The following ARHGAP26 variants were observed in gnomAD, a reference collection of about 807,000 sequenced individuals.
ARHGAP26 encodes the protein Rho GTPase activating protein 26.
In ARHGAP26, 38 loss-of-function variants were observed where a neutral mutation model predicts 104.8. That is an observed-to-expected ratio of 0.36 (90% CI 0.28 to 0.48). The LOEUF (loss-of-function observed/expected upper bound fraction) is 0.48, where lower values mean the gene tolerates loss of function less well. Among genes scored for constraint, ARHGAP26 ranks in the 20% least tolerant of loss-of-function variants. The pLI is 0.99. For synonymous variants in ARHGAP26, 341 were observed against 340.0 expected (o/e 1.00, Z -0.03); for missense variants, 704 against 947.9 (o/e 0.74, Z 3.38).
intron 3 of ARHGAP26, among the ~76,000 whole-genome samples, chr5:142,877,629 G>T (rs1385239857): frequency 6.6e-6 from 1 of 152,220 alleles, no homozygotes; most frequent in East Asian, 1.9e-4. Context: ...GGACTTGGGG[G>T]TCCTGATTCC....
At chr5:143,083,100 A>G (rs900921214) in intron 17 of ARHGAP26, among the ~76,000 whole-genome samples, 4 of 152,216 alleles carry the variant, frequency 2.6e-5, no homozygotes, top group African/African-American at 4.8e-5. Flanking sequence ...ATCTTGGGGA[A>G]GCTAGAGCTG....
chr5:143,097,202 G>T (rs1165057641), intron 17 of ARHGAP26, among the ~76,000 whole-genome samples: 2 of 151,756 alleles, frequency 1.3e-5, no homozygotes, highest in Non-Finnish European at 2.9e-5. Context: ...AGCTGGGCAT[G>T]GTGGTGCGTG....
intron 11 of ARHGAP26, among the ~76,000 whole-genome samples, chr5:142,997,555 C>G (rs931229179): frequency 6.7e-6 from 1 of 148,820 alleles, no homozygotes; most frequent in African/African-American, 2.5e-5. Flanking sequence ...ACTACAGGTG[C>G]ATGCCACCCA....
At chr5:143,049,207 C>G (rs561838062) in intron 14 of ARHGAP26, among the ~76,000 whole-genome samples, 1 of 152,118 alleles carries the variant, frequency 6.6e-6, no homozygotes, top group Non-Finnish European at 1.5e-5. Flanking sequence ...CTTTTAAACA[C>G]ACCAACATTT....
intron 1 of ARHGAP26, among the ~76,000 whole-genome samples, chr5:142,808,219 A>G (rs1165803420): frequency 1.6e-5 from 2 of 126,390 alleles, no homozygotes; most frequent in African/African-American, 3.2e-5. Flanking sequence ...TGGGCAACAG[A>G]GTGAGACATT....
intron 6 of ARHGAP26, among the ~76,000 whole-genome samples, chr5:142,896,704 G>A (rs984586092): frequency 1.3e-5 from 2 of 152,146 alleles, no homozygotes; most frequent in Non-Finnish European, 2.9e-5. Flanking sequence ...TTAAGAAGCA[G>A]TAGCATCATG....
At chr5:142,788,980 A>G (rs547575650) in intron 1 of ARHGAP26, among the ~76,000 whole-genome samples, 3 of 152,374 alleles carry the variant, frequency 2.0e-5, no homozygotes, top group African/African-American at 7.2e-5. Context: ...GCATAGAGAG[A>G]TTAAGTGTCT....
chr5:143,071,081 G>A (rs770526268), intron 17 of ARHGAP26, among the ~76,000 whole-genome samples: 1 of 152,184 alleles, frequency 6.6e-6, no homozygotes, highest in Non-Finnish European at 1.5e-5. Context: ...CAAAGCTGTA[G>A]TAACCAAAGC....
chr5:142,994,651 A>G (rs1298081508), intron 11 of ARHGAP26, among the ~76,000 whole-genome samples: 1 of 152,198 alleles, frequency 6.6e-6, no homozygotes, highest in African/African-American at 2.4e-5. Flanking sequence ...ACCTGATTAG[A>G]TATGGGAGTG....
At chr5:143,040,386 C>G (rs759244904) in intron 13 of ARHGAP26, among the ~76,000 whole-genome samples, 1 of 151,874 alleles carries the variant, frequency 6.6e-6, no homozygotes, top group East Asian at 1.9e-4. Flanking sequence ...TTGGTCCTTT[C>G]CTGAGTTTCT....
rs939910785 is a variant in ARHGAP26, at chr5:143,224,236, T to C, written c.*1790T>C. On this transcript the variant is annotated 3_prime_UTR_variant, in exon 23 of 23. Coordinates refer to ENST00000645722, the MANE Select transcript of ARHGAP26 (RefSeq NM_001135608.3). ...GGCTTTGATTGCTGAAGAAGTATGT[T>C]TAAGAGGGAGAGAGGGGAGGCAAAG... 4.3e-6 allele frequency: 1 copy of C among 231,660 alleles called. No individual in the cohort carries two copies. The highest frequency in any genetic ancestry group is 2.2e-5 in the African/African-American group (1 of 45,218). The allele number at this position is 231,660 out of a possible 1,614,324, so 14.4% of individuals were successfully genotyped here.
intron 1 of ARHGAP26, among the ~76,000 whole-genome samples, chr5:142,812,276 T>C (rs1314541779): frequency 1.3e-5 from 2 of 152,168 alleles, no homozygotes; most frequent in African/African-American, 4.8e-5. Flanking sequence ...TTTTTAGAGC[T>C]GGGGTCTCAC....
intron 11 of ARHGAP26, among the ~76,000 whole-genome samples, chr5:143,009,888 G>C (rs555049161): frequency 6.6e-6 from 1 of 152,314 alleles, no homozygotes; most frequent in East Asian, 1.9e-4. Flanking sequence ...AGGAGCCACA[G>C]ATCAGGCATT....
In ARHGAP26 at chr5:142,790,229, A is replaced by G. The variant is rs999419835; in HGVS notation, c.154+19314A>G. Among the ~76,000 whole-genome samples the G allele has an allele frequency of 3.9e-5, 6 of 152,320 alleles. No homozygotes were observed. In the East Asian group the frequency reaches 1.2e-3, roughly 29 times the overall value. ...CTGAGTGATGGATGGTAGAGGGTAG[A>G]GGCAACTTTAGATTATGTAGTCCGA... On this transcript the variant is annotated intron_variant, in intron 1 of 22. Coordinates refer to ENST00000645722, the MANE Select transcript of ARHGAP26 (RefSeq NM_001135608.3).
At chr5:143,097,821 C>CAAAAA (rs35803857) in intron 17 of ARHGAP26, among the ~76,000 whole-genome samples, 1 of 121,062 alleles carries the variant, frequency 8.3e-6, no homozygotes, top group Admixed American at 9.0e-5. Flanking sequence ...GACTCCAACT[C>CAAAAA]AAAAAAAAAA....
chr5:142,992,314 C>G lies in ARHGAP26; in HGVS notation c.1108-21766C>G, dbSNP rs1395353427. ...GAAGACCAACCTTGATTTTATTCCT[C>G]CAAATGATTTTTATTATCTTAACAC... On this transcript the variant is annotated intron_variant, in intron 11 of 22. Coordinates refer to ENST00000645722, the MANE Select transcript of ARHGAP26 (RefSeq NM_001135608.3). 1.3e-5 allele frequency among the ~76,000 whole-genome samples: 2 copies of G among 152,206 alleles called. 1 individual carries two copies. Among genetic ancestry groups the G allele is most frequent in the East Asian group, 3.9e-4 (2 of 5,192 alleles).
intron 18 of ARHGAP26, among the ~76,000 whole-genome samples, chr5:143,126,335 G>C (rs1331675389): frequency 6.6e-6 from 1 of 152,182 alleles, no homozygotes; most frequent in East Asian, 1.9e-4. Context: ...ATGCCAGAGA[G>C]TTGGATTCAG....
chr5:142,866,995 A>G (rs1754400195), intron 1 of ARHGAP26: 1 of 152,164 alleles, frequency 6.6e-6, no homozygotes, highest in Non-Finnish European at 1.5e-5. Flanking sequence ...CGAATGTGTT[A>G]GAGCACTTCT....
At chr5:142,904,904 T>C (rs1172048592) in intron 8 of ARHGAP26, among the ~76,000 whole-genome samples, 1 of 152,220 alleles carries the variant, frequency 6.6e-6, no homozygotes, top group African/African-American at 2.4e-5. Flanking sequence ...AAATACTTGG[T>C]TTCACTAATT....
Sources: allele counts gnomAD v4.1 joint callset (sites outside exome capture counted in the v4.1 genomes callset), GRCh38; gene constraint gnomAD v4.1.1; transcripts MANE v1.5; gene names NCBI Gene and HGNC (gene_info 2026-07-23, HGNC 2026-07-21).